OLA1: variants seen among roughly 807,000 people sequenced by gnomAD.
The protein encoded by OLA1 is obg-like ATPase 1.
A neutral mutation model predicts 48.4 loss-of-function variants in OLA1; 14 were observed. That is an observed-to-expected ratio of 0.29 (90% CI 0.19 to 0.45). The LOEUF (loss-of-function observed/expected upper bound fraction) is 0.45. OLA1 is among the 20% of genes least tolerant of loss of function. OLA1 has a pLI of 1.00. For synonymous variants in OLA1, 127 were observed against 150.4 expected (o/e 0.84, Z 1.14); for missense variants, 325 against 467.1 (o/e 0.70, Z 2.80).
Position 174,219,006 on chromosome 2 carries a change from T to TTTTTG in OLA1, c.373+4026_373+4027insCAAAA, listed in dbSNP as rs57416373. On this transcript the variant is annotated intron_variant, in intron 4 of 10. Coordinates refer to ENST00000284719, the MANE Select transcript of OLA1 (RefSeq NM_013341.5). ...CCGGCTAATTTTTTTTTTTTTTTTT[T>TTTTTG]GTAGCAATGTGGTCTCCCTGTGCTT... Among the ~76,000 whole-genome samples the TTTTTG allele has an allele frequency of 3.6e-4, 49 of 135,804 alleles. 6 individuals carry two copies. Among genetic ancestry groups the TTTTTG allele is most frequent in the Non-Finnish European group, 4.4e-4 (29 of 65,574 alleles). 89.1% of individuals were successfully genotyped at this position (135,804 alleles called of 152,430 possible).
chr2:174,109,861 G>A (rs1011359224), intron 7 of OLA1, among the ~76,000 whole-genome samples: 2 of 152,170 alleles, frequency 1.3e-5, no homozygotes, highest in Non-Finnish European at 2.9e-5. Context: ...GTGAAGGTTC[G>A]TTACATGAAC....
intron 1 of OLA1, chr2:174,247,940 A>G: frequency 1.2e-6 from 1 of 824,912 alleles, no homozygotes. Flanking sequence ...GCTGGGAACT[A>G]AAACTGTCCC....
intron 3 of OLA1, 145 bp from the exon 4 acceptor site, chr2:174,223,305 C>G: frequency 1.4e-6 from 1 of 731,568 alleles, no homozygotes; most frequent in Non-Finnish European, 2.1e-6. Flanking sequence ...ATCCACCCCT[C>G]CCCCCAAAAA....
At chr2:174,185,649 C>T (rs969777264) in intron 4 of OLA1, among the ~76,000 whole-genome samples, 4 of 152,026 alleles carry the variant, frequency 2.6e-5, no homozygotes, top group Non-Finnish European at 4.4e-5. Context: ...TTTTTCAGGC[C>T]GGGCACGGTG....
intron 2 of OLA1, among the ~76,000 whole-genome samples, chr2:174,231,415 G>C (rs1688725865): frequency 6.6e-6 from 1 of 152,042 alleles, no homozygotes; most frequent in Admixed American, 6.6e-5. Flanking sequence ...GTATACTGTA[G>C]TTTAAAAACT....
intron 4 of OLA1, among the ~76,000 whole-genome samples, chr2:174,171,240 A>G (rs1438087453): frequency 2.0e-5 from 3 of 152,198 alleles, no homozygotes; most frequent in Non-Finnish European, 4.4e-5. Flanking sequence ...AAAAATCAGT[A>G]AAAATGCAGA....
At chr2:174,126,082 T>C (rs1301239083) in intron 5 of OLA1, among the ~76,000 whole-genome samples, 2 of 152,108 alleles carry the variant, frequency 1.3e-5, no homozygotes, top group Admixed American at 1.3e-4. Context: ...AAATGATCAG[T>C]ATATGGTATA....
chr2:174,241,386 C>A (rs959630539), intron 2 of OLA1, among the ~76,000 whole-genome samples: 22 of 152,176 alleles, frequency 1.4e-4, no homozygotes, highest in Non-Finnish European at 3.1e-4. Context: ...GGTGATAATT[C>A]TCTTGTGATT....
intron 4 of OLA1, among the ~76,000 whole-genome samples, chr2:174,169,074 T>C (rs1432761929): frequency 6.6e-6 from 1 of 152,154 alleles, no homozygotes; most frequent in African/African-American, 2.4e-5. Flanking sequence ...TTCTCCCAAG[T>C]AGCTGGGATT....
chr2:174,198,152 G>A (rs577259700), intron 4 of OLA1, among the ~76,000 whole-genome samples: 9 of 152,020 alleles, frequency 5.9e-5, no homozygotes, highest in South Asian at 2.1e-4. Flanking sequence ...TAGTAGAGAC[G>A]GGGCTTCACC....
At chr2:174,098,173 CAT>C (rs1302954102) in intron 7 of OLA1, among the ~76,000 whole-genome samples, 5 of 152,130 alleles carry the variant, frequency 3.3e-5, no homozygotes, top group African/African-American at 1.2e-4. Context: ...TTCCTATTGA[CAT>C]ATATTTTCAG....
chr2:174,247,882 T>C, intron 1 of OLA1: 1 of 1,292,494 alleles, frequency 7.7e-7, no homozygotes, highest in South Asian at 1.4e-5. Context: ...CTCCCACCCT[T>C]GGACTGCAAA....
chr2:174,236,751 A>G (rs1688859753), intron 2 of OLA1, among the ~76,000 whole-genome samples: 1 of 152,228 alleles, frequency 6.6e-6, no homozygotes, highest in Admixed American at 6.5e-5. Flanking sequence ...ACTGTACTGA[A>G]CACTGTAGAC....
At chr2:174,236,861 T>C (rs1199689193) in intron 2 of OLA1, among the ~76,000 whole-genome samples, 1 of 152,176 alleles carries the variant, frequency 6.6e-6, no homozygotes, top group Non-Finnish European at 1.5e-5. Flanking sequence ...GAGTGGAGCT[T>C]GCAGGCCTGG....
chr2:174,162,999 G>T (rs927011490), intron 4 of OLA1, among the ~76,000 whole-genome samples: 1 of 152,090 alleles, frequency 6.6e-6, no homozygotes, highest in African/African-American at 2.4e-5. Flanking sequence ...AGCCTTGATA[G>T]TGCCACTGCA....
intron 4 of OLA1, among the ~76,000 whole-genome samples, chr2:174,174,074 G>A (rs375594242): frequency 6.8e-6 from 1 of 147,938 alleles, no homozygotes; most frequent in South Asian, 2.1e-4. Flanking sequence ...TCCACGCCTA[G>A]ATGGCTTTAC....
At chr2:174,242,103 C>T (rs1574576461) in intron 2 of OLA1, among the ~76,000 whole-genome samples, 1 of 152,312 alleles carries the variant, frequency 6.6e-6, no homozygotes, top group East Asian at 1.9e-4. Flanking sequence ...GTTTGGCCCC[C>T]TGACCCTTCG....
intron 4 of OLA1, among the ~76,000 whole-genome samples, chr2:174,159,516 C>T (rs1297780235): frequency 6.6e-6 from 1 of 152,078 alleles, no homozygotes; most frequent in African/African-American, 2.4e-5. Flanking sequence ...TACAAAAAAA[C>T]CCACAACTGC....
At chr2:174,237,773 A>G (rs1688892742) in intron 2 of OLA1, among the ~76,000 whole-genome samples, 1 of 152,160 alleles carries the variant, frequency 6.6e-6, no homozygotes, top group Admixed American at 6.5e-5. Context: ...ACAAACAAAA[A>G]TTAACTATAG....
Sources: gnomAD v4.1 joint callset for allele counts (sites outside exome capture counted in the v4.1 genomes callset) on GRCh38, gnomAD v4.1.1 for gene constraint, MANE v1.5 for transcripts, NCBI Gene and HGNC (gene_info 2026-07-23, HGNC 2026-07-21) for gene names.